CLASRP: variants seen among roughly 807,000 people sequenced by gnomAD.
The protein encoded by CLASRP is CLK4 associating serine/arginine rich protein, also known as CLK4-associating serine/arginine rich protein.
Under a neutral mutation model 99.9 loss-of-function variants are expected in CLASRP, and 52 were observed. That is an observed-to-expected ratio of 0.52 (90% CI 0.42 to 0.66). The LOEUF is 0.66. Among genes scored for constraint, CLASRP ranks in the 30% least tolerant of loss-of-function variants. CLASRP has a pLI of 0.00. For missense variants in CLASRP, 848 were observed against 999.2 expected (o/e 0.85, Z 2.04); for synonymous variants, 379 against 373.0 (o/e 1.02, Z -0.18).
intron 2 of CLASRP, among the ~76,000 whole-genome samples, chr19:45,043,195 T>TGTGTG (rs373093839): frequency 9.7e-5 from 13 of 134,688 alleles, no homozygotes; most frequent in African/African-American, 2.2e-4. Flanking sequence ...AAGGAATACT[T>TGTGTG]TGTGTGTGTG....
intron 5 of CLASRP, among the ~76,000 whole-genome samples, chr19:45,053,838 T>A (rs1972072267): frequency 6.6e-6 from 1 of 152,078 alleles, no homozygotes; most frequent in Non-Finnish European, 1.5e-5. Flanking sequence ...TCCAGGCTGG[T>A]CTGAACTCCT....
At chr19:45,062,373 G>T (rs937329177) in intron 11 of CLASRP, among the ~76,000 whole-genome samples, 178 bp downstream of exon 11, 1 of 152,138 alleles carries the variant, frequency 6.6e-6, no homozygotes, top group Non-Finnish European at 1.5e-5. Flanking sequence ...TGTTTTCCCA[G>T]TTTTAAATAA....
chr19:45,054,529 G>A (rs955554894), intron 5 of CLASRP, among the ~76,000 whole-genome samples: 9 of 152,200 alleles, frequency 5.9e-5, no homozygotes, highest in South Asian at 2.1e-4. Context: ...GATTACAGGC[G>A]TGAGCCACCG....
At chr19:45,039,519 C>A (rs999555980) in intron 1 of CLASRP, 2 of 152,664 alleles carry the variant, frequency 1.3e-5, no homozygotes, top group Non-Finnish European at 2.9e-5. Flanking sequence ...TCAGGCTCTA[C>A]GCTCTTTTTC....
chr19:45,052,529 G>C, intron 3 of CLASRP, among the ~76,000 whole-genome samples: 1 of 152,126 alleles, frequency 6.6e-6, no homozygotes, highest in East Asian at 1.9e-4. Context: ...CTATTGCTTG[G>C]TTGTGAGAAA....
At chr19:45,050,915 C>T (rs1972010906) in intron 2 of CLASRP, among the ~76,000 whole-genome samples, 1 of 151,920 alleles carries the variant, frequency 6.6e-6, no homozygotes, top group Non-Finnish European at 1.5e-5. Flanking sequence ...GACAGGGTTT[C>T]ACCATGTTGG....
chr19:45,052,744 A>C, intron 3 of CLASRP, 47 bp from the exon 4 acceptor site: 1 of 1,387,048 alleles, frequency 7.2e-7, no homozygotes, highest in Admixed American at 1.8e-5. Flanking sequence ...TGTCCTGGGC[A>C]GTATGGACCC....
Position 45,060,333 on chromosome 19 carries a change from C to A in CLASRP, c.711-56C>A. The A allele has an allele frequency of 2.0e-6, 3 of 1,511,020 alleles. No individual in the cohort carries two copies. Among genetic ancestry groups the A allele is most frequent in the South Asian group, 1.1e-5 (1 of 88,792 alleles). 93.6% of individuals were successfully genotyped at this position (1,511,020 alleles called of 1,614,324 possible). A position where few individuals can be genotyped will look rare whatever the true frequency, so the allele number is the denominator to read the frequency against. The stretch of plus-strand genomic sequence containing the variant: ...TTTCTCTGATGACTCAGTCTGTGTC[C>A]TCCTTACCCTGTGGCCTGCCCCATC... On this transcript the variant is annotated intron_variant, in intron 8 of 20. Coordinates refer to ENST00000221455, the MANE Select transcript of CLASRP (RefSeq NM_007056.3). The surrounding 1 kb of genome is among the most constrained non-coding windows in gnomAD (Gnocchi z 4.6).
intron 8 of CLASRP, among the ~76,000 whole-genome samples, chr19:45,059,879 T>TA (rs916356181): frequency 3.7e-4 from 56 of 152,204 alleles, no homozygotes; most frequent in African/African-American, 1.3e-3. Flanking sequence ...CGAAAGGTCT[T>TA]ACCCATCTGG....
rs937313372 is a variant in CLASRP, at chr19:45,067,410, C to T, written c.1483C>T (p.Arg495Cys). Residue 495 changes from arginine (R) to cysteine (C), a missense_variant, in exon 14 of 21, where the codon CGC becomes TGC. Transcript: ENST00000221455. The surrounding 1 kb of genome is among the most constrained non-coding windows in gnomAD (Gnocchi z 4.9). Reference sequence around the variant, plus strand: ...CAGGCACCACAGCAGTAGCCGCAGCCGCAGCAGCTGGTCCCTCAGCCCGTC... The same window carrying T: ...CAGGCACCACAGCAGTAGCCGCAGCTGCAGCAGCTGGTCCCTCAGCCCGTC... ...GLRHHSSSRS[R>C]SSWSLSPSRS... 10 of 1,533,392 alleles carry T rather than the reference C, an allele frequency of 6.5e-6. No individual in the cohort carries two copies. The highest frequency in any genetic ancestry group is 1.4e-5 in the African/African-American group (1 of 72,872). The allele number at this position is 1,533,392 out of a possible 1,614,324, so 95.0% of individuals were successfully genotyped here.
At chr19:45,064,312 C>T (rs983709978) in intron 12 of CLASRP, 31 bp from the exon 13 acceptor site, 2 of 1,515,172 alleles carry the variant, frequency 1.3e-6, no homozygotes, top group South Asian at 1.3e-5. Flanking sequence ...CTCAGGCCTG[C>T]GCTGACCGGC....
intron 10 of CLASRP, among the ~76,000 whole-genome samples, chr19:45,061,882 G>A (rs369951296): frequency 2.0e-5 from 3 of 151,810 alleles, no homozygotes; most frequent in South Asian, 2.1e-4. Context: ...CTAGGGTCAG[G>A]AGGCCAAGCA....
chr19:45,067,378 G>T lies in CLASRP; in HGVS notation c.1451G>T (p.Arg484Leu). Residue 484 changes from arginine (R) to leucine (L), a missense_variant, in exon 14 of 21, where the codon CGG becomes CTG. Physicochemically the swap from Arg to Leu is moderately radical, Grantham distance 102 (BLOSUM62 -2). This residue lies in a region of CLASRP where 489 missense variants were observed against 434.7 expected (regional missense o/e 1.12). Coordinates refer to ENST00000221455, the MANE Select transcript of CLASRP (RefSeq NM_007056.3). This position sits in a 1 kb window ranked among gnomAD's most constrained non-coding sequence, Gnocchi z 4.9. The stretch of plus-strand genomic sequence containing the variant: ...GGGGACCGCTACAGGCGGGGCGGCC[G>T]GGGCCTCAGGCACCACAGCAGTAGC... ...HSGDRYRRGG[R>L]GLRHHSSSRS... 6.5e-7 allele frequency: 1 copy of T among 1,530,432 alleles called. No individual in the cohort carries two copies. 94.8% of individuals were successfully genotyped at this position (1,530,432 alleles called of 1,614,324 possible). A position where few individuals can be genotyped will look rare whatever the true frequency, so the allele number is the denominator to read the frequency against.
intron 7 of CLASRP, among the ~76,000 whole-genome samples, chr19:45,058,675 G>T (rs1470922117): frequency 6.6e-6 from 1 of 151,956 alleles, no homozygotes; most frequent in African/African-American, 2.4e-5. Flanking sequence ...GTGAGCCACC[G>T]CGCTCAGCCC....
Position 45,052,205 on chromosome 19 carries a change from T to G in CLASRP, c.197+37T>G, listed in dbSNP as rs988203223. 7 of 1,586,712 alleles carry G rather than the reference T, an allele frequency of 4.4e-6. No individual in the cohort carries two copies. The African/African-American group carries it at 9.4e-5, about 21-fold the overall frequency. On this transcript the variant is annotated intron_variant, in intron 3 of 20. Coordinates refer to ENST00000221455, the MANE Select transcript of CLASRP (RefSeq NM_007056.3). ...ATGGAAGGCAGGGGAGTGTCTGAAG[T>G]CTGGGAGTCAAAACGGACCTGGGGT...
At chr19:45,070,159 C>A in intron 19 of CLASRP, 55 bp downstream of exon 19, 1 of 1,147,146 alleles carries the variant, frequency 8.7e-7, no homozygotes. Context: ...AAGTGTCAAG[C>A]AGGGTTACCA....
In CLASRP at chr19:45,067,022, C is replaced by T. The variant is rs1043169805; in HGVS notation, c.1410-315C>T. 4.6e-5 allele frequency among the ~76,000 whole-genome samples: 7 copies of T among 152,142 alleles called. No homozygotes were observed. Among genetic ancestry groups the T allele is most frequent in the Non-Finnish European group, 1.0e-4 (7 of 68,028 alleles). On this transcript the variant is annotated intron_variant, in intron 13 of 20. Transcript: ENST00000221455. This position sits in a 1 kb window ranked among gnomAD's most constrained non-coding sequence, Gnocchi z 4.9. ...ACACGGCTCATAAAGGGGGAGCCAGCCATCCCTCCCAGAGCTCACCTCCCG... is the reference window on the plus strand; with the variant it reads ...ACACGGCTCATAAAGGGGGAGCCAGTCATCCCTCCCAGAGCTCACCTCCCG...
chr19:45,047,427 A>C (rs1030938344), intron 2 of CLASRP: 2 of 151,564 alleles, frequency 1.3e-5, no homozygotes, highest in African/African-American at 4.8e-5. Flanking sequence ...AAAAAAAAAA[A>C]AAAACAGAGA....
rs889565495 is a variant in CLASRP, at chr19:45,051,193, C to T, written c.100-878C>T. Among the ~76,000 whole-genome samples, 20 of 151,972 alleles carry T rather than the reference C, an allele frequency of 1.3e-4. 1 individual carries two copies. Among genetic ancestry groups the T allele is most frequent in the Admixed American group, 1.1e-3 (16 of 15,208 alleles). ...CACACCAGTCTCTAAATGAACGGCC[C>T]GGAGGATGGGAGGTGAAGAGTTAAG... On this transcript the variant is annotated intron_variant, in intron 2 of 20. Transcript: ENST00000221455.
Sources: allele counts gnomAD v4.1 joint callset (sites outside exome capture counted in the v4.1 genomes callset), GRCh38; gene constraint gnomAD v4.1.1; regional missense constraint gnomAD v4.1.1; non-coding constraint Gnocchi (gnomAD v3.1); transcripts MANE v1.5; gene names NCBI Gene and HGNC (gene_info 2026-07-23, HGNC 2026-07-21).